Variants in PTGER3 observed in about 807,000 individuals in gnomAD.
The protein encoded by PTGER3 is prostaglandin E receptor 3.
Under a neutral mutation model 34.7 loss-of-function variants are expected in PTGER3, and 22 were observed. That is an observed-to-expected ratio of 0.63 (90% CI 0.45 to 0.91). PTGER3 has a LOEUF of 0.91. Among genes scored for constraint, PTGER3 ranks in the 40% least tolerant of loss-of-function variants. The pLI, the probability that PTGER3 is intolerant of heterozygous loss-of-function variation, is 0.00. For synonymous variants in PTGER3, 241 were observed against 230.1 expected (o/e 1.05, Z -0.43); for missense variants, 468 against 519.4 (o/e 0.90, Z 0.96).
downstream of PTGER3, among the ~76,000 whole-genome samples, chr1:70,947,708 G>T (rs548359737): frequency 1.3e-5 from 2 of 152,178 alleles, no homozygotes; most frequent in East Asian, 1.9e-4. Context: ...TGAGTTTCAG[G>T]TTACATTGCT....
intron 4 of PTGER3, among the ~76,000 whole-genome samples, chr1:70,910,914 C>G (rs1647046363): frequency 6.6e-6 from 1 of 151,920 alleles, no homozygotes; most frequent in South Asian, 2.1e-4. Context: ...AACCCCATCT[C>G]TACTAAAAAA....
At chr1:70,953,477 A>G (rs1236613195) in intron 3 of PTGER3, among the ~76,000 whole-genome samples, 1 of 152,130 alleles carries the variant, frequency 6.6e-6, no homozygotes, top group Admixed American at 6.5e-5. Context: ...TCTGATGAGG[A>G]CAATGTGCTG....
At chr1:70,954,952 T>A (rs537114428) in intron 2 of PTGER3, among the ~76,000 whole-genome samples, 1 of 152,258 alleles carries the variant, frequency 6.6e-6, no homozygotes, top group South Asian at 2.1e-4. Flanking sequence ...AGAATTTTAA[T>A]CTCTACCTAT....
At chr1:70,979,501 G>T (rs1654046985) in intron 2 of PTGER3, among the ~76,000 whole-genome samples, 1 of 6,084 alleles carries the variant, frequency 1.6e-4, no homozygotes, top group Non-Finnish European at 3.2e-4. Context: ...GGGTACAGCT[G>T]CACGTTATCT....
intron 1 of PTGER3, among the ~76,000 whole-genome samples, chr1:71,035,458 C>T (rs1245747337): frequency 1.3e-5 from 2 of 152,192 alleles, no homozygotes; most frequent in African/African-American, 2.4e-5. Context: ...CCTCTCTCAC[C>T]GATTCTAGGC....
intron 4 of PTGER3, among the ~76,000 whole-genome samples, chr1:70,905,190 G>A (rs1646918747): frequency 6.6e-6 from 1 of 152,160 alleles, no homozygotes; most frequent in African/African-American, 2.4e-5. Context: ...TTCAGAAGAT[G>A]TATGGAAACA....
intron 1 of PTGER3, among the ~76,000 whole-genome samples, chr1:71,015,694 A>T (rs1279543119): frequency 1.2e-4 from 18 of 152,250 alleles, no homozygotes; most frequent in Non-Finnish European, 5.9e-5. Flanking sequence ...ATGTATACTC[A>T]ATTTTATTTC....
At chr1:71,043,182 T>G (rs2101001488) in intron 1 of PTGER3, among the ~76,000 whole-genome samples, 1 of 152,256 alleles carries the variant, frequency 6.6e-6, no homozygotes, top group South Asian at 2.1e-4. Flanking sequence ...CATAAAATAA[T>G]GATAAAAATC....
chr1:70,935,614 G>A (rs971345802), intron 4 of PTGER3, among the ~76,000 whole-genome samples: 4 of 147,374 alleles, frequency 2.7e-5, no homozygotes, highest in Non-Finnish European at 5.9e-5. Context: ...CAAATAATTG[G>A]GATACTTTGA....
At chr1:70,997,516 T>C (rs1004388125) in intron 2 of PTGER3, among the ~76,000 whole-genome samples, 2 of 152,202 alleles carry the variant, frequency 1.3e-5, no homozygotes, top group African/African-American at 4.8e-5. Flanking sequence ...TTCGATGAAG[T>C]CAATCCAATA....
intron 2 of PTGER3, among the ~76,000 whole-genome samples, chr1:70,958,158 C>T (rs1225421062): frequency 6.6e-6 from 1 of 152,158 alleles, no homozygotes; most frequent in African/African-American, 2.4e-5. Flanking sequence ...CTATAATAAA[C>T]ATGGGTGTGC....
At chr1:70,890,486 C>T (rs182960863) in intron 4 of PTGER3, among the ~76,000 whole-genome samples, 1 of 152,256 alleles carries the variant, frequency 6.6e-6, no homozygotes, top group Admixed American at 6.5e-5. Context: ...AATACTGGTC[C>T]ATTAACTTAT....
intron 2 of PTGER3, among the ~76,000 whole-genome samples, chr1:70,962,965 A>G (rs1201260874): frequency 6.6e-6 from 1 of 152,218 alleles, no homozygotes. Context: ...AAACCAAGTT[A>G]GTTACTGCCT....
At chr1:70,998,910 G>A (rs1656222892) in intron 2 of PTGER3, among the ~76,000 whole-genome samples, 1 of 152,094 alleles carries the variant, frequency 6.6e-6, no homozygotes, top group African/African-American at 2.4e-5. Context: ...GGCTGGGCAC[G>A]GTGGCTCACG....
chr1:70,871,824 G>A (rs942610303), intron 4 of PTGER3, among the ~76,000 whole-genome samples: 2 of 152,058 alleles, frequency 1.3e-5, no homozygotes, highest in African/African-American at 4.8e-5. Context: ...AACCTGAAAT[G>A]GGTACAACTA....
intron 4 of PTGER3, among the ~76,000 whole-genome samples, chr1:70,892,359 G>A (rs1260968908): frequency 3.3e-5 from 5 of 152,176 alleles, no homozygotes; most frequent in Non-Finnish European, 5.9e-5. Context: ...GGCACAGAAT[G>A]AATAGTAAAT....
chr1:70,862,480 G>A, intron 4 of PTGER3: 2 of 861,910 alleles, frequency 2.3e-6, no homozygotes, highest in Non-Finnish European at 3.5e-6. Flanking sequence ...GGATAATTTG[G>A]ATATGGTGTA....
intron 1 of PTGER3, among the ~76,000 whole-genome samples, chr1:71,035,229 A>G (rs912755612): frequency 2.0e-5 from 3 of 152,252 alleles, no homozygotes; most frequent in Admixed American, 1.3e-4. Context: ...AGTATAGAAA[A>G]TCAATACAAA....
intron 2 of PTGER3, among the ~76,000 whole-genome samples, chr1:71,003,833 G>C (rs2744913): frequency 0.016 from 2,455 of 152,254 alleles, 78 homozygotes; most frequent in African/African-American, 0.057. Context: ...TTAAATCATA[G>C]AGGCTCTCAC....
Sources: gnomAD v4.1 joint callset for allele counts (sites outside exome capture counted in the v4.1 genomes callset) on GRCh38, gnomAD v4.1.1 for gene constraint, MANE v1.5 for transcripts, NCBI Gene and HGNC (gene_info 2026-07-23, HGNC 2026-07-21) for gene names.